Variants in FOXO3 observed in about 807,000 individuals in gnomAD.
FOXO3 encodes the protein forkhead box O3, also known as forkhead box protein O3.
In FOXO3, 4 loss-of-function variants were observed where a neutral mutation model predicts 41.9. That is an observed-to-expected ratio of 0.10 (90% CI 0.05 to 0.22). The LOEUF is 0.22. Ranked by LOEUF, FOXO3 falls within the 10% of genes least tolerant of loss-of-function variation. The probability of loss-of-function intolerance (pLI) is 1.00; values close to 1 mark genes in which losing one functional copy is unlikely to be tolerated. For synonymous variants in FOXO3, 318 were observed against 389.3 expected (o/e 0.82, Z 2.16); for missense variants, 534 against 906.8 (o/e 0.59, Z 5.28).
chr6:108,681,145 A>G lies in FOXO3; in HGVS notation c.*1353A>G, dbSNP rs1484168276. The G allele has an allele frequency of 3.9e-5, 6 of 152,628 alleles. No individual in the cohort carries two copies. The highest frequency in any genetic ancestry group is 9.6e-5 in the African/African-American group (4 of 41,454). 9.5% of individuals were successfully genotyped at this position (152,628 alleles called of 1,614,324 possible). The stretch of plus-strand genomic sequence containing the variant: ...CTTTCTGTTTAACCTGGAAAGTGTG[A>G]TTATATTCGTTACCTTCTTTGGTAG... On this transcript the variant is annotated 3_prime_UTR_variant, in exon 3 of 3. Transcript: ENST00000406360.
chr6:108,582,970 C>T (rs1416195348), intron 1 of FOXO3, among the ~76,000 whole-genome samples: 1 of 152,138 alleles, frequency 6.6e-6, no homozygotes, highest in African/African-American at 2.4e-5. Flanking sequence ...GATGATGGAA[C>T]TCCTGAGTCC....
chr6:108,650,517 G>A (rs1363272436), intron 1 of FOXO3, among the ~76,000 whole-genome samples: 1 of 152,142 alleles, frequency 6.6e-6, no homozygotes, highest in Non-Finnish European at 1.5e-5. Context: ...ACTGATGCTT[G>A]TATTTCCAGT....
At chr6:108,575,804 A>T (rs1697663237) in intron 1 of FOXO3, among the ~76,000 whole-genome samples, 1 of 152,228 alleles carries the variant, frequency 6.6e-6, no homozygotes, top group African/African-American at 2.4e-5. Context: ...TATACCTGTC[A>T]TGCAGACTGA....
intron 2 of FOXO3, among the ~76,000 whole-genome samples, chr6:108,673,877 G>A (rs982290443): frequency 6.6e-6 from 1 of 152,096 alleles, no homozygotes; most frequent in Non-Finnish European, 1.5e-5. Flanking sequence ...ATTTCCTCCT[G>A]TACTACAATT....
chr6:108,629,012 C>T (rs1205587169), intron 1 of FOXO3, among the ~76,000 whole-genome samples: 1 of 152,148 alleles, frequency 6.6e-6, no homozygotes, highest in African/African-American at 2.4e-5. Flanking sequence ...TCCTTAGGAG[C>T]TTACTGGCTG....
chr6:108,645,602 CAGG>C (rs1778374513), intron 1 of FOXO3, among the ~76,000 whole-genome samples: 1 of 152,026 alleles, frequency 6.6e-6, no homozygotes, highest in Admixed American at 6.6e-5. Context: ...ACTTCAGGGC[CAGG>C]AGGATTACTG....
intron 2 of FOXO3, among the ~76,000 whole-genome samples, chr6:108,670,457 A>C (rs1424492660): frequency 1.3e-5 from 2 of 151,562 alleles, no homozygotes; most frequent in Non-Finnish European, 2.9e-5. Flanking sequence ...TAGATCCTCA[A>C]GATAGTCATA....
At chr6:108,619,077 T>C (rs7341233) in intron 1 of FOXO3, among the ~76,000 whole-genome samples, 22,282 of 152,242 alleles carry the variant, frequency 0.15, 1,806 homozygotes, top group African/African-American at 0.22. Context: ...ACAGTTGTCT[T>C]GTGTTTTGCC....
At chr6:108,658,047 G>A (rs890993735) in intron 1 of FOXO3, among the ~76,000 whole-genome samples, 1 of 152,172 alleles carries the variant, frequency 6.6e-6, no homozygotes, top group African/African-American at 2.4e-5. Flanking sequence ...GTGGAGTGGA[G>A]TATGCACAGG....
chr6:108,657,940 C>T (rs1487828102), intron 1 of FOXO3, among the ~76,000 whole-genome samples: 1 of 152,138 alleles, frequency 6.6e-6, no homozygotes, highest in Non-Finnish European at 1.5e-5. Context: ...ACATAGAGCT[C>T]TTTTTCAACC....
At chr6:108,635,202 G>A (rs1192464988) in intron 1 of FOXO3, among the ~76,000 whole-genome samples, 2 of 152,078 alleles carry the variant, frequency 1.3e-5, no homozygotes, top group Admixed American at 1.3e-4. Context: ...TTGGAAGGCT[G>A]AGGCATGAGA....
At chr6:108,636,413 A>G (rs1473490845) in intron 1 of FOXO3, among the ~76,000 whole-genome samples, 2 of 152,152 alleles carry the variant, frequency 1.3e-5, no homozygotes, top group African/African-American at 4.8e-5. Flanking sequence ...GGGGAAGGGT[A>G]AACCCAGCAT....
At chr6:108,619,857 C>T (rs993280235) in intron 1 of FOXO3, among the ~76,000 whole-genome samples, 19 of 152,106 alleles carry the variant, frequency 1.2e-4, no homozygotes, top group Non-Finnish European at 1.9e-4. Flanking sequence ...TTTAATTTGG[C>T]GTGTCTTAAT....
Position 108,651,484 on chromosome 6 carries a change from A to G in FOXO3, c.622-11971A>G, listed in dbSNP as rs189244261. ...ACTGGCATATATTTCAGAGCTACCA[A>G]AAAGAAATCAGTTGCTCTTGAAATA... On this transcript the variant is annotated intron_variant, in intron 1 of 2. Transcript: ENST00000406360. Among the ~76,000 whole-genome samples the G allele has an allele frequency of 5.4e-4, 83 of 152,342 alleles. 1 individual carries two copies. In the East Asian group the frequency reaches 8.9e-3, roughly 16 times the overall value.
At chr6:108,673,445 G>C (rs1770430426) in intron 2 of FOXO3, among the ~76,000 whole-genome samples, 2 of 152,254 alleles carry the variant, frequency 1.3e-5, no homozygotes, top group Admixed American at 1.3e-4. Flanking sequence ...TGTGGCACTG[G>C]TGTGATGGTT....
intron 1 of FOXO3, among the ~76,000 whole-genome samples, chr6:108,582,437 A>T (rs1320620048): frequency 1.3e-5 from 2 of 152,212 alleles, no homozygotes; most frequent in Non-Finnish European, 1.5e-5. Context: ...CTCAGTCCAG[A>T]CCAATAACAT....
chr6:108,660,852 C>T (rs568893487), intron 1 of FOXO3, among the ~76,000 whole-genome samples: 1 of 152,214 alleles, frequency 6.6e-6, no homozygotes, highest in Admixed American at 6.5e-5. Context: ...TACCACACTT[C>T]TCTGTCCCCT....
At chr6:108,583,597 T>C (rs1776494591) in intron 1 of FOXO3, among the ~76,000 whole-genome samples, 1 of 152,228 alleles carries the variant, frequency 6.6e-6, no homozygotes, top group African/African-American at 2.4e-5. Flanking sequence ...TACACTTGGA[T>C]ATCTTTTATT....
rs901819465 is a variant in FOXO3, at chr6:108,680,461, C to A, written c.*669C>A. 2.0e-5 allele frequency: 3 copies of A among 152,176 alleles called. No homozygotes were observed. Among genetic ancestry groups the A allele is most frequent in the African/African-American group, 7.2e-5 (3 of 41,422 alleles). The allele number at this position is 152,176 out of a possible 1,614,324, so 9.4% of individuals were successfully genotyped here. A position where few individuals can be genotyped will look rare whatever the true frequency, so the allele number is the denominator to read the frequency against. ...ATGGCACAATTGTTTGCTATGTGCA[C>A]CCGTCCAGGACAGAACCGTGCATAG... On this transcript the variant is annotated 3_prime_UTR_variant, in exon 3 of 3. Coordinates refer to ENST00000406360, the MANE Select transcript of FOXO3 (RefSeq NM_001455.4).
Sources: allele counts gnomAD v4.1 joint callset (sites outside exome capture counted in the v4.1 genomes callset), GRCh38; gene constraint gnomAD v4.1.1; transcripts MANE v1.5; gene names NCBI Gene and HGNC (gene_info 2026-07-23, HGNC 2026-07-21).